Variants in SNX9 observed in about 807,000 individuals in gnomAD.
SNX9 encodes the protein sorting nexin-9.
Under a neutral mutation model 89.4 loss-of-function variants are expected in SNX9, and 44 were observed. The observed-to-expected ratio is 0.49, with a 90% CI of 0.39 to 0.63. SNX9 has a LOEUF of 0.63. Ranked by LOEUF, SNX9 falls within the 30% of genes least tolerant of loss-of-function variation. The pLI is 0.00. For missense variants in SNX9, 578 were observed against 736.1 expected (o/e 0.79, Z 2.49); for synonymous variants, 236 against 247.8 (o/e 0.95, Z 0.45).
intron 10 of SNX9, among the ~76,000 whole-genome samples, chr6:157,923,022 GT>G (rs1308177222): frequency 6.6e-6 from 1 of 152,186 alleles, no homozygotes; most frequent in Non-Finnish European, 1.5e-5. Flanking sequence ...TGAAGGTCAT[GT>G]TTTCTGCATG....
Position 157,943,867 on chromosome 6 carries a change from C to T in SNX9, c.*1029C>T, listed in dbSNP as rs1784092071. 1 of 152,266 alleles carries T rather than the reference C, an allele frequency of 6.6e-6. No homozygotes were observed. The highest frequency in any genetic ancestry group is 1.5e-5 in the Non-Finnish European group (1 of 68,212). 9.4% of individuals were successfully genotyped at this position (152,266 alleles called of 1,614,324 possible). Reference sequence around the variant, plus strand: ...CGGGTTCATGGCCAGTTGGTGTCATCAGCAAAGAGAAAAAGCACAGGTTAG... The same window carrying T: ...CGGGTTCATGGCCAGTTGGTGTCATTAGCAAAGAGAAAAAGCACAGGTTAG... On this transcript the variant is annotated 3_prime_UTR_variant, in exon 18 of 18. Coordinates refer to ENST00000392185, the MANE Select transcript of SNX9 (RefSeq NM_016224.5).
chr6:157,832,120 A>G (rs559016343), intron 1 of SNX9, among the ~76,000 whole-genome samples: 115 of 152,352 alleles, frequency 7.5e-4, no homozygotes, highest in African/African-American at 2.7e-3. Context: ...TAAGGATGCT[A>G]TTCAGTCTGA....
In SNX9 at chr6:157,896,851, T is replaced by G; in HGVS notation, c.325T>G (p.Ser109Ala). 1.2e-6 allele frequency: 2 copies of G among 1,613,152 alleles called. No homozygotes were observed. Among genetic ancestry groups the G allele is most frequent in the Non-Finnish European group, 1.7e-6 (2 of 1,179,794 alleles). Reference protein sequence around the residue: ...HQVGSGNDPWSAWSASKSGNW... With the variant: ...HQVGSGNDPWAAWSASKSGNW... Reference sequence around the variant, plus strand: ...GGTTGGCAGTGGCAATGACCCCTGGTCAGCCTGGAGTGCCTCCAAATCTGG... The same window carrying G: ...GGTTGGCAGTGGCAATGACCCCTGGGCAGCCTGGAGTGCCTCCAAATCTGG... Residue 109 changes from serine (S) to alanine (A), a missense_variant, in exon 5 of 18, where the codon TCA (serine) becomes GCA (alanine). Physicochemically the swap from Ser to Ala is moderately conservative, Grantham distance 99 (BLOSUM62 1). Transcript: ENST00000392185.
In SNX9 at chr6:157,910,039, A is replaced by T. The variant is rs1783306081; in HGVS notation, c.949+14A>T. ...AACAAGTCACAGGTGAGTGTGTGTAATGCTAAACCCAGGATGACAAATAGA... is the reference window on the plus strand; with the variant it reads ...AACAAGTCACAGGTGAGTGTGTGTATTGCTAAACCCAGGATGACAAATAGA... On this transcript the variant is annotated intron_variant, in intron 9 of 17. Transcript: ENST00000392185. 2.5e-6 allele frequency: 4 copies of T among 1,583,610 alleles called. No homozygotes were observed. The South Asian group carries it at 4.4e-5, about 18-fold the overall frequency.
chr6:157,931,985 T>G (rs1370321472), intron 12 of SNX9, among the ~76,000 whole-genome samples: 2 of 152,214 alleles, frequency 1.3e-5, no homozygotes, highest in Non-Finnish European at 2.9e-5. Flanking sequence ...TTGTCAGTAA[T>G]AATAGCATCC....
At chr6:157,842,370 C>A (rs1158600562) in intron 1 of SNX9, among the ~76,000 whole-genome samples, 1 of 152,176 alleles carries the variant, frequency 6.6e-6, no homozygotes, top group Non-Finnish European at 1.5e-5. Flanking sequence ...ATCTTGTTGA[C>A]TCCAGTGCTC....
At position 157,823,379 on chromosome 6, in the gene SNX9, AC is replaced by A; in HGVS notation, c.-54del. On this transcript the variant is annotated 5_prime_UTR_variant, in exon 1 of 18. Coordinates refer to ENST00000392185, the MANE Select transcript of SNX9 (RefSeq NM_016224.5). This position sits in a 1 kb window ranked among gnomAD's most constrained non-coding sequence, Gnocchi z 4.6. ...GCCTTTGCCTGCGCGGCTCAGAATC[AC>A]CATCCGCGGCGCGGGAGACGAGCCG... 1 of 1,266,692 alleles carries A rather than the reference AC, an allele frequency of 7.9e-7. No individual in the cohort carries two copies. Among genetic ancestry groups the A allele is most frequent in the South Asian group, 1.9e-5 (1 of 51,658 alleles). 78.5% of individuals were successfully genotyped at this position (1,266,692 alleles called of 1,614,324 possible).
At position 157,921,653 on chromosome 6, in the gene SNX9, G is replaced by A; in HGVS notation, c.1072G>A (p.Asp358Asn). Residue 358 changes from aspartate to asparagine, a missense_variant, in exon 10 of 18, where the codon GAT becomes AAT. Physicochemically the swap from Asp to Asn is conservative, Grantham distance 23. Coordinates refer to ENST00000392185, the MANE Select transcript of SNX9 (RefSeq NM_016224.5). ...EVFQQFLNFR[D>N]EKEWKTGKRK... Reference sequence around the variant, plus strand: ...TTTCCAGCAGTTCCTAAATTTCCGAGATGAGAAGGTAGGACATTGTGTTAA... The same window carrying A: ...TTTCCAGCAGTTCCTAAATTTCCGAAATGAGAAGGTAGGACATTGTGTTAA... The A allele has an allele frequency of 6.2e-7, 1 of 1,613,902 alleles. No individual in the cohort carries two copies. The highest frequency in any genetic ancestry group is 8.5e-7 in the Non-Finnish European group (1 of 1,179,848).
chr6:157,929,718 G>T (rs928337474), intron 12 of SNX9, among the ~76,000 whole-genome samples: 1 of 152,132 alleles, frequency 6.6e-6, no homozygotes. Flanking sequence ...TTTTTTTAAA[G>T]GTGATATTTT....
intron 17 of SNX9, among the ~76,000 whole-genome samples, 186 bp from the exon 18 acceptor site, chr6:157,942,605 G>A (rs1308622640): frequency 2.0e-5 from 3 of 152,244 alleles, no homozygotes; most frequent in South Asian, 2.1e-4. Context: ...GGGCCCCAGC[G>A]CTGCCGGTGT....
chr6:157,865,997 CCA>C (rs1782253638), intron 1 of SNX9, among the ~76,000 whole-genome samples: 1 of 152,118 alleles, frequency 6.6e-6, no homozygotes. Flanking sequence ...CATGTGATCC[CCA>C]GTTTATAGGA....
In SNX9 at chr6:157,823,519, C is replaced by T; in HGVS notation, c.12+73C>T. 1 of 1,142,056 alleles carries T rather than the reference C, an allele frequency of 8.8e-7. No homozygotes were observed. The highest frequency in any genetic ancestry group is 4.3e-5 in the South Asian group (1 of 23,168). 70.7% of individuals were successfully genotyped at this position (1,142,056 alleles called of 1,614,324 possible). On this transcript the variant is annotated intron_variant, in intron 1 of 17. Coordinates refer to ENST00000392185, the MANE Select transcript of SNX9 (RefSeq NM_016224.5). This position sits in a 1 kb window ranked among gnomAD's most constrained non-coding sequence, Gnocchi z 4.6. The stretch of plus-strand genomic sequence containing the variant: ...GGCGCGGAGAGGGTCGGGGCCGGGG[C>T]CGCGGGGAGGGTCGGGGCCAGGGGT...
intron 1 of SNX9, among the ~76,000 whole-genome samples, chr6:157,832,475 C>G (rs990581593): frequency 2.6e-5 from 4 of 152,208 alleles, no homozygotes; most frequent in Admixed American, 1.3e-4. Context: ...CAGAGGCTTT[C>G]AAAGGACCCA....
Position 157,896,917 on chromosome 6 carries a change from G to T in SNX9, c.391G>T (p.Gly131Trp). 1 of 1,613,452 alleles carries T rather than the reference G, an allele frequency of 6.2e-7. No individual in the cohort carries two copies. Among genetic ancestry groups the T allele is most frequent in the African/African-American group, 1.3e-5 (1 of 74,988 alleles). The change falls in exon 5 of 18, where the codon GGG becomes TGG. Residue 131 changes from glycine to tryptophan, a missense_variant. Coordinates refer to ENST00000392185, the MANE Select transcript of SNX9 (RefSeq NM_016224.5). ...AGAAGGCTGGGGGGCCCAGCCAGAG[G>T]GGGCTGGAGCCCAAAGAAACACAAA... The part of the protein sequence containing the change: ...SSEGWGAQPE[G>W]AGAQRNTNTP...
chr6:157,856,449 A>T (rs1458379192), intron 1 of SNX9, among the ~76,000 whole-genome samples: 1 of 152,238 alleles, frequency 6.6e-6, no homozygotes, highest in African/African-American at 2.4e-5. Flanking sequence ...GTATACCTCT[A>T]AAGATGGGGA....
intron 9 of SNX9, among the ~76,000 whole-genome samples, chr6:157,916,061 G>C (rs1378600600): frequency 6.6e-6 from 1 of 150,830 alleles, no homozygotes; most frequent in Non-Finnish European, 1.5e-5. Flanking sequence ...TTGAGACGGA[G>C]TCTCGCTCTG....
intron 5 of SNX9, among the ~76,000 whole-genome samples, chr6:157,897,976 C>A (rs190709900): frequency 6.6e-6 from 1 of 152,166 alleles, no homozygotes; most frequent in African/African-American, 2.4e-5. Context: ...ATGCTCCTAC[C>A]ACCCGGGAAA....
rs924414709 is a variant in SNX9 at position 157,944,460 on chromosome 6, A to G, written c.*1622A>G. The stretch of plus-strand genomic sequence containing the variant: ...TATAAATGTTTTACACGAATGTAAG[A>G]GCATGTAGAAGCCAACATATAAATA... On this transcript the variant is annotated 3_prime_UTR_variant, in exon 18 of 18. Transcript: ENST00000392185. 2.1e-4 allele frequency: 32 copies of G among 152,664 alleles called. No homozygotes were observed. The highest frequency in any genetic ancestry group is 3.2e-3 in the Middle Eastern group (1 of 316). 9.5% of individuals were successfully genotyped at this position (152,664 alleles called of 1,614,324 possible).
At chr6:157,908,951 C>T (rs1176146361) in intron 7 of SNX9, among the ~76,000 whole-genome samples, 4 of 152,286 alleles carry the variant, frequency 2.6e-5, no homozygotes, top group Admixed American at 6.5e-5. Flanking sequence ...ACGTGATACC[C>T]GGGGGTTGGA....
Sources: allele counts gnomAD v4.1 joint callset (sites outside exome capture counted in the v4.1 genomes callset), GRCh38; gene constraint gnomAD v4.1.1; non-coding constraint Gnocchi (gnomAD v3.1); transcripts MANE v1.5; gene names NCBI Gene and HGNC (gene_info 2026-07-23, HGNC 2026-07-21).